Variants in HS6ST3 observed in about 807,000 individuals in gnomAD.
HS6ST3 encodes the protein heparan-sulfate 6-O-sulfotransferase 3.
A neutral mutation model predicts 36.7 loss-of-function variants in HS6ST3; 12 were observed. The ratio of observed to expected loss-of-function variants is 0.33; its 90% CI spans 0.21 to 0.53. HS6ST3 has a LOEUF of 0.53. Among genes scored for constraint, HS6ST3 ranks in the 20% least tolerant of loss-of-function variants. The pLI is 0.95. For missense variants in HS6ST3, 584 were observed against 640.9 expected (o/e 0.91, Z 0.96); for synonymous variants, 240 against 257.5 (o/e 0.93, Z 0.65).
chr13:96,825,893 A>C (rs544275477), intron 1 of HS6ST3, among the ~76,000 whole-genome samples: 2 of 152,188 alleles, frequency 1.3e-5, no homozygotes, highest in Admixed American at 1.3e-4. Flanking sequence ...TTGCTAATGA[A>C]TGCATTTTTC....
intron 1 of HS6ST3, among the ~76,000 whole-genome samples, chr13:96,117,205 T>G (rs896071782): frequency 2.0e-5 from 3 of 152,192 alleles, no homozygotes. Flanking sequence ...CTAGGAGTCC[T>G]TATTTCTGTA....
chr13:96,192,344 G>A (rs2054292053), intron 1 of HS6ST3, among the ~76,000 whole-genome samples: 1 of 151,980 alleles, frequency 6.6e-6, no homozygotes, highest in Admixed American at 6.6e-5. Flanking sequence ...TTTGTTACAT[G>A]GATATATTTC....
chr13:96,139,541 G>GCAAAAAAAAAAAAAAAAAAAAAAAAAAAA (rs371698480), intron 1 of HS6ST3, among the ~76,000 whole-genome samples: 1 of 66,264 alleles, frequency 1.5e-5, no homozygotes, highest in Non-Finnish European at 2.7e-5. Context: ...GTAAGATTCA[G>GCAAAAAAAAAAAAAAAAAAAAAAAAAAAA]AAAAAAAAAA....
At chr13:96,711,460 A>C (rs532954324) in intron 1 of HS6ST3, among the ~76,000 whole-genome samples, 1 of 152,366 alleles carries the variant, frequency 6.6e-6, no homozygotes, top group East Asian at 1.9e-4. Flanking sequence ...ATGCATTTTT[A>C]TTGGGAAATA....
At chr13:96,314,138 T>C (rs1423059380) in intron 1 of HS6ST3, among the ~76,000 whole-genome samples, 1 of 151,888 alleles carries the variant, frequency 6.6e-6, no homozygotes, top group Non-Finnish European at 1.5e-5. Flanking sequence ...GAGGCGGAGG[T>C]CTCAGTGAGT....
intron 1 of HS6ST3, among the ~76,000 whole-genome samples, chr13:96,418,546 T>C (rs1216156785): frequency 1.3e-5 from 2 of 152,196 alleles, no homozygotes; most frequent in South Asian, 4.1e-4. Context: ...CCTGTCTCCT[T>C]AAGTGGTAGC....
Position 96,220,813 on chromosome 13 carries a change from C to T in HS6ST3, c.707+129244C>T, listed in dbSNP as rs539290808. The stretch of plus-strand genomic sequence containing the variant: ...TGTTGTCTGACAATGTCATGATTTT[C>T]TCATTTTTTTAATGCCTCAGTGTTG... On this transcript the variant is annotated intron_variant, in intron 1 of 1. Transcript: ENST00000376705. Among the ~76,000 whole-genome samples, 6 of 152,120 alleles carry T rather than the reference C, an allele frequency of 3.9e-5. No homozygotes were observed. In the South Asian group the frequency reaches 1.2e-3, roughly 32 times the overall value.
intron 1 of HS6ST3, among the ~76,000 whole-genome samples, chr13:96,416,252 TC>T (rs900353723): frequency 6.6e-6 from 1 of 152,226 alleles, no homozygotes; most frequent in African/African-American, 2.4e-5. Context: ...CCTCTTCTCA[TC>T]CAATTGGTGT....
chr13:96,491,472 C>CAAAA (rs10632047), intron 1 of HS6ST3, among the ~76,000 whole-genome samples: 14 of 123,674 alleles, frequency 1.1e-4, no homozygotes, highest in African/African-American at 3.8e-4. Context: ...TACTAATGTG[C>CAAAA]AAAAAAAAAA....
chr13:96,587,299 C>T (rs1340980987), intron 1 of HS6ST3, among the ~76,000 whole-genome samples: 4 of 152,010 alleles, frequency 2.6e-5, no homozygotes, highest in African/African-American at 7.2e-5. Context: ...GTAGGTTCCA[C>T]ATAAATTTTA....
intron 1 of HS6ST3, among the ~76,000 whole-genome samples, chr13:96,472,389 G>A (rs1457601050): frequency 6.6e-6 from 1 of 152,158 alleles, no homozygotes; most frequent in African/African-American, 2.4e-5. Context: ...TTGAATCTCT[G>A]TTGAGCATAG....
intron 1 of HS6ST3, among the ~76,000 whole-genome samples, chr13:96,248,511 A>G (rs537554005): frequency 8.5e-5 from 13 of 152,322 alleles, no homozygotes; most frequent in Admixed American, 8.5e-4. Context: ...TTTCTATTTG[A>G]TACTATAAGG....
chr13:96,236,087 T>A (rs539404276), intron 1 of HS6ST3, among the ~76,000 whole-genome samples: 1 of 152,280 alleles, frequency 6.6e-6, no homozygotes, highest in Admixed American at 6.5e-5. Context: ...TGGAGTCCGA[T>A]GTTTGATGGC....
intron 1 of HS6ST3, among the ~76,000 whole-genome samples, chr13:96,632,662 C>G (rs1489974375): frequency 2.0e-5 from 3 of 152,180 alleles, no homozygotes; most frequent in Non-Finnish European, 4.4e-5. Context: ...TGACATTTAG[C>G]TATGGCCTGC....
intron 1 of HS6ST3, among the ~76,000 whole-genome samples, chr13:96,739,866 C>T (rs1876391345): frequency 6.6e-6 from 1 of 152,082 alleles, no homozygotes; most frequent in Non-Finnish European, 1.5e-5. Flanking sequence ...CATGACAAAT[C>T]CCAGCCTGAT....
chr13:96,411,818 A>G (rs2055508871), intron 1 of HS6ST3, among the ~76,000 whole-genome samples: 6 of 152,158 alleles, frequency 3.9e-5, no homozygotes, highest in Admixed American at 3.9e-4. Flanking sequence ...GGTAGGAACA[A>G]CAGAGCTAAA....
At chr13:96,535,189 C>T (rs1468108935) in intron 1 of HS6ST3, among the ~76,000 whole-genome samples, 1 of 151,956 alleles carries the variant, frequency 6.6e-6, no homozygotes, top group Non-Finnish European at 1.5e-5. Flanking sequence ...AGGAGACAGG[C>T]CTAACTTTAG....
chr13:96,116,594 G>T (rs2053895392), intron 1 of HS6ST3, among the ~76,000 whole-genome samples: 1 of 152,164 alleles, frequency 6.6e-6, no homozygotes, highest in African/African-American at 2.4e-5. Context: ...ATTCATCCAT[G>T]AATTCTAAGC....
intron 1 of HS6ST3, among the ~76,000 whole-genome samples, chr13:96,411,463 G>A (rs928780753): frequency 1.8e-4 from 27 of 152,180 alleles, no homozygotes; most frequent in African/African-American, 6.0e-4. Context: ...GCAAATTCTG[G>A]TAATACAAAC....
Sources: gnomAD v4.1 joint callset for allele counts (sites outside exome capture counted in the v4.1 genomes callset) on GRCh38, gnomAD v4.1.1 for gene constraint, MANE v1.5 for transcripts, NCBI Gene and HGNC (gene_info 2026-07-23, HGNC 2026-07-21) for gene names.